KCTD5: variants seen among roughly 807,000 people sequenced by gnomAD.
KCTD5 encodes potassium channel tetramerization domain containing 5.
In KCTD5, 12 loss-of-function variants were observed where a neutral mutation model predicts 27.9. The observed-to-expected ratio is 0.43, with a 90% CI of 0.28 to 0.70. KCTD5 has a LOEUF of 0.70. Among genes scored for constraint, KCTD5 ranks in the 30% least tolerant of loss-of-function variants. The probability of loss-of-function intolerance (pLI) is 0.19; values close to 1 mark genes in which losing one functional copy is unlikely to be tolerated. For synonymous variants in KCTD5, 147 were observed against 121.4 expected (o/e 1.21, Z -1.39); for missense variants, 226 against 274.8 (o/e 0.82, Z 1.26).
In KCTD5 at chr16:2,682,528, G is replaced by C. The variant is rs1409271374; in HGVS notation, c.-21G>C. ...CGGACGCTTCCGGTGGAAGGGAGCT[G>C]TTGCGGGGCTTGCTGGGATCATGGC... On this transcript the variant is annotated 5_prime_UTR_variant, in exon 1 of 6. Transcript: ENST00000301738. 6.5e-6 allele frequency: 9 copies of C among 1,390,372 alleles called. No individual in the cohort carries two copies. The highest frequency in any genetic ancestry group is 7.5e-6 in the Non-Finnish European group (8 of 1,073,430). The allele number at this position is 1,390,372 out of a possible 1,614,324, so 86.1% of individuals were successfully genotyped here. A position where few individuals can be genotyped will look rare whatever the true frequency, so the allele number is the denominator to read the frequency against.
chr16:2,690,473 G>A (rs1380003497), intron 1 of KCTD5, among the ~76,000 whole-genome samples: 1 of 152,250 alleles, frequency 6.6e-6, no homozygotes, highest in Non-Finnish European at 1.5e-5. Context: ...AGTGAGACGC[G>A]GGGAAGATGA....
intron 4 of KCTD5, among the ~76,000 whole-genome samples, chr16:2,701,647 A>G (rs1357800683): frequency 1.4e-5 from 2 of 144,828 alleles, no homozygotes; most frequent in Non-Finnish European, 3.0e-5. Context: ...CAGGTCTTAG[A>G]GAGGCCAAAG....
At chr16:2,687,159 C>G (rs2142051557) in intron 1 of KCTD5, among the ~76,000 whole-genome samples, 1 of 152,346 alleles carries the variant, frequency 6.6e-6, no homozygotes, top group African/African-American at 2.4e-5. Context: ...AGGTGCCTCA[C>G]CTGAAGCCCT....
At chr16:2,705,521 G>C (rs972084186) in intron 5 of KCTD5, among the ~76,000 whole-genome samples, 1 of 152,178 alleles carries the variant, frequency 6.6e-6, no homozygotes, top group Non-Finnish European at 1.5e-5. Context: ...CTTCCTGTCT[G>C]GCTTAGGCCA....
chr16:2,706,294 C>G (rs1227916548), intron 5 of KCTD5, among the ~76,000 whole-genome samples: 3 of 152,194 alleles, frequency 2.0e-5, no homozygotes, highest in African/African-American at 7.2e-5. Context: ...CACCACTGCC[C>G]TCTCTCCGGT....
chr16:2,700,987 C>A (rs533578280), intron 4 of KCTD5, among the ~76,000 whole-genome samples: 19 of 152,310 alleles, frequency 1.2e-4, no homozygotes, highest in African/African-American at 4.6e-4. Flanking sequence ...GAAATCTTTG[C>A]TGCTGGGCGA....
At chr16:2,699,476 C>T (rs573281046) in intron 3 of KCTD5, among the ~76,000 whole-genome samples, 8 of 152,360 alleles carry the variant, frequency 5.3e-5, no homozygotes, top group East Asian at 3.9e-4. Context: ...CTTTCCCGAC[C>T]GATGAATTCA....
Position 2,707,878 on chromosome 16 carries a change from C to T in KCTD5, c.*551C>T, listed in dbSNP as rs748978781. 1 of 174,802 alleles carries T rather than the reference C, an allele frequency of 5.7e-6. No individual in the cohort carries two copies. The highest frequency in any genetic ancestry group is 1.2e-5 in the Non-Finnish European group (1 of 83,260). 10.8% of individuals were successfully genotyped at this position (174,802 alleles called of 1,614,324 possible). ...CTTCTGCGTCGTCACTGCTTCCCGG[C>T]GCCATTCCGAGGCCGGGCCTTCTTC... On this transcript the variant is annotated 3_prime_UTR_variant, in exon 6 of 6. Coordinates refer to ENST00000301738, the MANE Select transcript of KCTD5 (RefSeq NM_018992.4).
intron 1 of KCTD5, among the ~76,000 whole-genome samples, chr16:2,688,290 C>T (rs1244286729): frequency 1.3e-5 from 2 of 148,376 alleles, no homozygotes; most frequent in African/African-American, 2.5e-5. Context: ...TTGCTCTGTC[C>T]CCCAGGCTGG....
rs2067643447 is a variant in KCTD5 at position 2,707,721 on chromosome 16, C to T, written c.*394C>T. 4.1e-6 allele frequency: 2 copies of T among 491,456 alleles called. No individual in the cohort carries two copies. Among genetic ancestry groups the T allele is most frequent in the East Asian group, 6.5e-5 (2 of 30,536 alleles). 30.4% of individuals were successfully genotyped at this position (491,456 alleles called of 1,614,324 possible). ...CTTCACTGGCAGGAAGCGGCCGCAG[C>T]CGCGTCAGTGTCCAGCACGTCGTGG... is the stretch of plus-strand genomic sequence containing the variant. On this transcript the variant is annotated 3_prime_UTR_variant, in exon 6 of 6. Coordinates refer to ENST00000301738, the MANE Select transcript of KCTD5 (RefSeq NM_018992.4).
intron 4 of KCTD5, among the ~76,000 whole-genome samples, chr16:2,701,691 C>G (rs1420173668): frequency 2.6e-5 from 4 of 152,236 alleles, no homozygotes; most frequent in Admixed American, 6.5e-5. Context: ...TTGGCTTGGT[C>G]ATCTGCTGCT....
rs1198355727 is a variant in KCTD5, at chr16:2,682,698, C to T, written c.150C>T (p.Val50=). 3.1e-6 allele frequency: 5 copies of T among 1,609,974 alleles called. No individual in the cohort carries two copies. The highest frequency in any genetic ancestry group is 3.4e-6 in the Non-Finnish European group (4 of 1,178,806). The change falls in exon 1 of 6, where the codon GTC becomes GTT. Residue 50 remains valine, a synonymous_variant. Coordinates refer to ENST00000301738, the MANE Select transcript of KCTD5 (RefSeq NM_018992.4). ...GSVSKWVRLN[V]GGTYFLTTRQ... ...TGTCCAAGTGGGTCCGACTCAACGT[C>T]GGCGGCACCTACTTCCTCACCACTC...
chr16:2,704,321 G>A (rs2067625247), intron 5 of KCTD5, among the ~76,000 whole-genome samples: 1 of 152,228 alleles, frequency 6.6e-6, no homozygotes. Flanking sequence ...GGGCCGCATG[G>A]GCTGTGGGCC....
chr16:2,691,386 A>C (rs2067565995), intron 1 of KCTD5, among the ~76,000 whole-genome samples: 1 of 152,216 alleles, frequency 6.6e-6, no homozygotes, highest in Non-Finnish European at 1.5e-5. Context: ...GCCACAGAAG[A>C]GCCAGTTTTG....
At position 2,682,542 on chromosome 16, in the gene KCTD5, TG is replaced by T; in HGVS notation, c.-4del. On this transcript the variant is annotated 5_prime_UTR_variant, in exon 1 of 6. Coordinates refer to ENST00000301738, the MANE Select transcript of KCTD5 (RefSeq NM_018992.4). Reference sequence around the variant, plus strand: ...GGAAGGGAGCTGTTGCGGGGCTTGCTGGGATCATGGCGGAGAATCACTGCGA... The same window carrying T: ...GGAAGGGAGCTGTTGCGGGGCTTGCTGGATCATGGCGGAGAATCACTGCGA... 8.6e-6 allele frequency: 12 copies of T among 1,399,074 alleles called. No homozygotes were observed. The highest frequency in any genetic ancestry group is 1.1e-5 in the Non-Finnish European group (12 of 1,079,032). 86.7% of individuals were successfully genotyped at this position (1,399,074 alleles called of 1,614,324 possible). A position where few individuals can be genotyped will look rare whatever the true frequency, so the allele number is the denominator to read the frequency against.
intron 1 of KCTD5, among the ~76,000 whole-genome samples, chr16:2,688,243 A>ATATATATATATTTATT (rs1282831421): frequency 1.7e-4 from 11 of 64,234 alleles, no homozygotes; most frequent in African/African-American, 5.0e-4. Flanking sequence ...ATATATATAT[A>ATATATATATATTTATT]TATTTATTTA....
chr16:2,688,575 T>TC lies in KCTD5; in HGVS notation c.252+5779dup, dbSNP rs2067553100. On this transcript the variant is annotated intron_variant, in intron 1 of 5. Transcript: ENST00000301738. The stretch of plus-strand genomic sequence containing the variant: ...AGGAAGGATATGCTAAGAACGCTTT[T>TC]CCCCTCCCGCAGCCACACTTAATTT... 5.3e-5 allele frequency among the ~76,000 whole-genome samples: 8 copies of TC among 149,668 alleles called. No individual in the cohort carries two copies. The South Asian group carries it at 1.7e-3, about 32-fold the overall frequency.
At chr16:2,685,051 A>G (rs1596219048) in intron 1 of KCTD5, among the ~76,000 whole-genome samples, 1 of 152,272 alleles carries the variant, frequency 6.6e-6, no homozygotes, top group South Asian at 2.1e-4. Context: ...CCATTTAACC[A>G]GGTTTGATTT....
chr16:2,700,656 T>G (rs2067607532), intron 4 of KCTD5, among the ~76,000 whole-genome samples: 1 of 152,196 alleles, frequency 6.6e-6, no homozygotes, highest in African/African-American at 2.4e-5. Context: ...CTCTGTCACT[T>G]GCTTCTGTCT....
Sources: gnomAD v4.1 joint callset for allele counts (sites outside exome capture counted in the v4.1 genomes callset) on GRCh38, gnomAD v4.1.1 for gene constraint, MANE v1.5 for transcripts, NCBI Gene and HGNC (gene_info 2026-07-23, HGNC 2026-07-21) for gene names.